MYLK: variants seen among roughly 807,000 people sequenced by gnomAD.
The protein encoded by MYLK is myosin light chain kinase, also known as myosin light chain kinase, smooth muscle.
Under a neutral mutation model 203.4 loss-of-function variants are expected in MYLK, and 106 were observed. That is an observed-to-expected ratio of 0.52 (90% CI 0.45 to 0.61). The LOEUF (loss-of-function observed/expected upper bound fraction) is 0.61, where lower values mean the gene tolerates loss of function less well. MYLK is among the 20% of genes least tolerant of loss of function. The pLI is 0.00. For synonymous variants in MYLK, 867 were observed against 959.5 expected, an observed-to-expected ratio of 0.90 and a Z score of 1.78; for missense variants, 2,072 against 2,442.3, an observed-to-expected ratio of 0.85 and a Z score of 3.20.
At chr3:123,650,493 G>A (rs1488900567) in intron 24 of MYLK, among the ~76,000 whole-genome samples, 1 of 152,082 alleles carries the variant, frequency 6.6e-6, no homozygotes, top group Non-Finnish European at 1.5e-5. Flanking sequence ...GTGAGTGTGA[G>A]TGTGTTTAGA....
At chr3:123,656,767 A>T (rs1204156705) in intron 24 of MYLK, among the ~76,000 whole-genome samples, 2 of 152,170 alleles carry the variant, frequency 1.3e-5, no homozygotes, top group African/African-American at 2.4e-5. Flanking sequence ...GTGTTCCAAG[A>T]ATCTGACACC....
intron 23 of MYLK, among the ~76,000 whole-genome samples, chr3:123,662,875 A>G (rs1396527367): frequency 6.6e-6 from 1 of 152,164 alleles, no homozygotes; most frequent in African/African-American, 2.4e-5. Flanking sequence ...TTCTGGGGTG[A>G]GGCTGGGGGT....
At chr3:123,802,052 A>G (rs1200155065) in intron 3 of MYLK, among the ~76,000 whole-genome samples, 2 of 152,234 alleles carry the variant, frequency 1.3e-5, no homozygotes, top group Non-Finnish European at 1.5e-5. Flanking sequence ...GTAATAATGT[A>G]TAAGTGTCTT....
At chr3:123,744,839 A>G (rs2062966466) in intron 5 of MYLK, among the ~76,000 whole-genome samples, 1 of 152,202 alleles carries the variant, frequency 6.6e-6, no homozygotes, top group Admixed American at 6.5e-5. Flanking sequence ...TGAGATGGCA[A>G]TAAAACTCAA....
At chr3:123,763,835 C>T (rs773943740) in intron 4 of MYLK, among the ~76,000 whole-genome samples, 1 of 152,204 alleles carries the variant, frequency 6.6e-6, no homozygotes, top group Non-Finnish European at 1.5e-5. Context: ...ATTTTCATTA[C>T]TGGCAATGCA....
intron 3 of MYLK, among the ~76,000 whole-genome samples, chr3:123,801,730 T>C (rs1202944880): frequency 2.0e-5 from 3 of 152,228 alleles, no homozygotes; most frequent in African/African-American, 7.2e-5. Flanking sequence ...CCTCCAGCTA[T>C]ACCCATGTTG....
intron 1 of MYLK, among the ~76,000 whole-genome samples, chr3:123,883,071 T>G (rs1001784820): frequency 2.0e-5 from 3 of 152,186 alleles, no homozygotes; most frequent in Admixed American, 1.3e-4. Flanking sequence ...CCCCAAATGG[T>G]CCTCCTAAGC....
intron 2 of MYLK, among the ~76,000 whole-genome samples, chr3:123,863,729 A>G (rs764704443): frequency 2.0e-5 from 3 of 152,236 alleles, no homozygotes; most frequent in Non-Finnish European, 2.9e-5. Flanking sequence ...GACGATGTGA[A>G]GCAACTAGAT....
intron 5 of MYLK, among the ~76,000 whole-genome samples, chr3:123,746,862 TTG>T (rs1157253490): frequency 3.3e-5 from 5 of 151,980 alleles, no homozygotes; most frequent in African/African-American, 9.7e-5. Context: ...GTTTTAGAGG[TTG>T]AAAAGCATTT....
At chr3:123,790,561 A>G (rs2064740072) in intron 4 of MYLK, among the ~76,000 whole-genome samples, 1 of 152,202 alleles carries the variant, frequency 6.6e-6, no homozygotes, top group African/African-American at 2.4e-5. Flanking sequence ...ATGTCACCCA[A>G]GTCACTAGAT....
chr3:123,869,493 C>T (rs948855013), intron 2 of MYLK, among the ~76,000 whole-genome samples: 8 of 152,294 alleles, frequency 5.3e-5, no homozygotes, highest in Non-Finnish European at 7.3e-5. Context: ...GGTGGTCTTG[C>T]TCCAGAGCAG....
intron 2 of MYLK, among the ~76,000 whole-genome samples, chr3:123,872,694 G>A (rs1380326238): frequency 6.6e-6 from 1 of 152,156 alleles, no homozygotes; most frequent in Non-Finnish European, 1.5e-5. Flanking sequence ...AAAAGGAGCA[G>A]GGAACTTCCA....
intron 3 of MYLK, among the ~76,000 whole-genome samples, chr3:123,795,563 A>G (rs2064955415): frequency 6.6e-6 from 1 of 152,224 alleles, no homozygotes; most frequent in African/African-American, 2.4e-5. Context: ...AATCTGAAGA[A>G]CCAGGCTGGG....
At chr3:123,698,234 G>A (rs940436680) in intron 18 of MYLK, among the ~76,000 whole-genome samples, 61 of 152,128 alleles carry the variant, frequency 4.0e-4, no homozygotes, top group African/African-American at 1.4e-3. Flanking sequence ...CATGGGCAGC[G>A]CCAAGCCTGA....
intron 13 of MYLK, among the ~76,000 whole-genome samples, chr3:123,712,756 C>T (rs1560116484): frequency 6.6e-6 from 1 of 152,246 alleles, no homozygotes; most frequent in Non-Finnish European, 1.5e-5. Flanking sequence ...ACTTCCTCAT[C>T]GGTCTCTACG....
At chr3:123,790,847 C>T (rs1191496574) in intron 4 of MYLK, among the ~76,000 whole-genome samples, 1 of 152,186 alleles carries the variant, frequency 6.6e-6, no homozygotes, top group Non-Finnish European at 1.5e-5. Flanking sequence ...CTAGGTCCCT[C>T]CACTGCCTCC....
At chr3:123,714,681 T>C (rs1225965211) in intron 13 of MYLK, among the ~76,000 whole-genome samples, 3 of 152,216 alleles carry the variant, frequency 2.0e-5, no homozygotes, top group Admixed American at 6.5e-5. Flanking sequence ...GAGGGCCTTC[T>C]TTCTGGAGTG....
At chr3:123,638,236 G>C in intron 28 of MYLK, 42 bp from the exon 29 acceptor site, 2 of 1,612,662 alleles carry the variant, frequency 1.2e-6, no homozygotes, top group Non-Finnish European at 1.7e-6. Context: ...AGCACATCAC[G>C]GAGCCAGCTT....
At chr3:123,860,176 A>C (rs1321352228) in intron 2 of MYLK, among the ~76,000 whole-genome samples, 2 of 152,248 alleles carry the variant, frequency 1.3e-5, no homozygotes, top group East Asian at 3.9e-4. Context: ...TTGATTCTGC[A>C]GACAGCAGAG....
Sources: allele counts gnomAD v4.1 joint callset (sites outside exome capture counted in the v4.1 genomes callset), GRCh38; gene constraint gnomAD v4.1.1; transcripts MANE v1.5; gene names NCBI Gene and HGNC (gene_info 2026-07-23, HGNC 2026-07-21).